RAP1GAP2: variants seen among roughly 807,000 people sequenced by gnomAD.
RAP1GAP2 encodes the protein RAP1 GTPase activating protein 2, also known as rap1 GTPase-activating protein 2.
A neutral mutation model predicts 95.0 loss-of-function variants in RAP1GAP2; 27 were observed. The ratio of observed to expected loss-of-function variants is 0.28; its 90% CI spans 0.21 to 0.39. The LOEUF is 0.39. Among genes scored for constraint, RAP1GAP2 ranks in the 10% least tolerant of loss-of-function variants. The probability of loss-of-function intolerance (pLI) is 1.00; values close to 1 mark genes in which losing one functional copy is unlikely to be tolerated. For synonymous variants in RAP1GAP2, 373 were observed against 380.9 expected, an observed-to-expected ratio of 0.98 and a Z score of 0.24; for missense variants, 771 against 970.0, an observed-to-expected ratio of 0.79 and a Z score of 2.72.
At chr17:2,788,150 C>T (rs1419835260) in intron 1 of RAP1GAP2, among the ~76,000 whole-genome samples, 3 of 152,122 alleles carry the variant, frequency 2.0e-5, no homozygotes, top group Non-Finnish European at 4.4e-5. Context: ...TGCACTTAAA[C>T]AATTTTGATA....
intron 17 of RAP1GAP2, among the ~76,000 whole-genome samples, chr17:3,017,126 G>C (rs145315731): frequency 1.9e-4 from 29 of 152,162 alleles, no homozygotes; most frequent in African/African-American, 6.5e-4. Flanking sequence ...GCCGAGCTCT[G>C]CTTCAACACA....
chr17:2,933,183 A>G (rs912491705), intron 3 of RAP1GAP2, among the ~76,000 whole-genome samples: 24 of 152,222 alleles, frequency 1.6e-4, no homozygotes, highest in African/African-American at 5.8e-4. Context: ...AGCAAGTTGG[A>G]AAGCGCCTGG....
At chr17:2,778,501 C>T (rs58467828) in intron 1 of RAP1GAP2, among the ~76,000 whole-genome samples, 20,883 of 152,056 alleles carry the variant, frequency 0.14, 1,653 homozygotes, top group South Asian at 0.34. Flanking sequence ...CTGCTGGAGG[C>T]ACGCTTGCAG....
intron 17 of RAP1GAP2, among the ~76,000 whole-genome samples, chr17:3,016,718 C>G (rs561066396): frequency 6.9e-6 from 1 of 145,324 alleles, no homozygotes; most frequent in South Asian, 2.1e-4. Context: ...CAGATCATTA[C>G]GATGTGCTGG....
At chr17:2,957,681 A>T in intron 3 of RAP1GAP2, 78 bp from the exon 4 acceptor site, 1 of 1,430,954 alleles carries the variant, frequency 7.0e-7, no homozygotes, top group Non-Finnish European at 9.6e-7. Flanking sequence ...GCTTCCTGAT[A>T]GTTGGTGAGG....
At chr17:2,865,336 G>T (rs1021945929) in intron 2 of RAP1GAP2, among the ~76,000 whole-genome samples, 1 of 152,124 alleles carries the variant, frequency 6.6e-6, no homozygotes, top group Non-Finnish European at 1.5e-5. Flanking sequence ...GGATCAGATG[G>T]GTCTCTGGAA....
At chr17:2,841,249 G>T (rs994863058) in intron 2 of RAP1GAP2, among the ~76,000 whole-genome samples, 1 of 151,516 alleles carries the variant, frequency 6.6e-6, no homozygotes, top group African/African-American at 2.4e-5. Flanking sequence ...TAAAAATTAA[G>T]TCCATTTAAA....
At chr17:2,858,989 G>A (rs2072260892) in intron 2 of RAP1GAP2, among the ~76,000 whole-genome samples, 1 of 151,936 alleles carries the variant, frequency 6.6e-6, no homozygotes, top group African/African-American at 2.4e-5. Flanking sequence ...ACCATATTTA[G>A]TCAGTATTTG....
At chr17:2,845,245 T>A (rs1293134063) in intron 2 of RAP1GAP2, among the ~76,000 whole-genome samples, 1 of 152,116 alleles carries the variant, frequency 6.6e-6, no homozygotes, top group Non-Finnish European at 1.5e-5. Flanking sequence ...CGGGTTCAAG[T>A]GATTCTCCTG....
In RAP1GAP2 at chr17:3,005,275, GAGA is replaced by G; in HGVS notation, c.1201-91_1201-89del. ...TTTGTGTTCTGGGAAGAGGAGGAGG[GAGA>G]AGGTGAGTAGCTTTGTAAGGAGCGT... On this transcript the variant is annotated intron_variant, in intron 14 of 24. Transcript: ENST00000254695. This position sits in a 1 kb window ranked among gnomAD's most constrained non-coding sequence, Gnocchi z 5.2. The G allele has an allele frequency of 8.3e-7, 1 of 1,201,536 alleles. No homozygotes were observed. Among genetic ancestry groups the G allele is most frequent in the Non-Finnish European group, 1.2e-6 (1 of 804,222 alleles). 74.4% of individuals were successfully genotyped at this position (1,201,536 alleles called of 1,614,324 possible).
intron 3 of RAP1GAP2, 60 bp from the exon 4 acceptor site, chr17:2,957,699 T>C: frequency 6.5e-7 from 1 of 1,548,966 alleles, no homozygotes; most frequent in East Asian, 2.3e-5. Flanking sequence ...AGGAAGAGGC[T>C]TTTGCTGTGG....
Position 2,831,990 on chromosome 17 carries a change from G to T in RAP1GAP2, c.80+31440G>T, listed in dbSNP as rs972904619. Among the ~76,000 whole-genome samples, 5 of 151,786 alleles carry T rather than the reference G, an allele frequency of 3.3e-5. No individual in the cohort carries two copies. In the South Asian group the frequency reaches 1.0e-3, roughly 32 times the overall value. On this transcript the variant is annotated intron_variant, in intron 2 of 24. Transcript: ENST00000254695. ...GGAGGCTGAGGCGGGCGGATCACGA[G>T]GTTAGGAGTTCGAGACCAGCCTGCC... is the stretch of plus-strand genomic sequence containing the variant.
chr17:2,796,249 G>A (rs1428566936), upstream of RAP1GAP2, among the ~76,000 whole-genome samples: 3 of 152,180 alleles, frequency 2.0e-5, no homozygotes, highest in Non-Finnish European at 4.4e-5. The surrounding 1 kb of genome is among the most constrained non-coding windows in gnomAD (Gnocchi z 4.7). Context: ...TCTGCCAGCC[G>A]AGCCCCTTCC....
chr17:3,031,007 G>A lies in RAP1GAP2; in HGVS notation c.2184+9G>A, dbSNP rs1315704332. Reference sequence around the variant, plus strand: ...ATGCCAGCTCTGGTGCGGTAAGGATGCGCCTCCCACACCCCACACTCCACT... The same window carrying A: ...ATGCCAGCTCTGGTGCGGTAAGGATACGCCTCCCACACCCCACACTCCACT... On this transcript the variant is annotated intron_variant, in intron 23 of 24. Transcript: ENST00000254695. 3.8e-6 allele frequency: 6 copies of A among 1,593,756 alleles called. No homozygotes were observed. The highest frequency in any genetic ancestry group is 5.1e-6 in the Non-Finnish European group (6 of 1,168,786).
At position 2,816,700 on chromosome 17, in the gene RAP1GAP2, A is replaced by G. The variant is rs934313859; in HGVS notation, c.80+16150A>G. Among the ~76,000 whole-genome samples the G allele has an allele frequency of 1.4e-4, 17 of 124,316 alleles. 4 individuals carry two copies. The highest frequency in any genetic ancestry group is 7.7e-4 in the Admixed American group (10 of 12,990). 81.6% of individuals were successfully genotyped at this position (124,316 alleles called of 152,430 possible). Reference sequence around the variant, plus strand: ...GCATTTTTAAGTGCACCATTCTGTGACATTAAGTACATTTACAATGCTGTG... The same window carrying G: ...GCATTTTTAAGTGCACCATTCTGTGGCATTAAGTACATTTACAATGCTGTG... On this transcript the variant is annotated intron_variant, in intron 2 of 24. Transcript: ENST00000254695.
At chr17:2,838,892 T>C (rs914118614) in intron 2 of RAP1GAP2, among the ~76,000 whole-genome samples, 1 of 152,076 alleles carries the variant, frequency 6.6e-6, no homozygotes, top group African/African-American at 2.4e-5. Flanking sequence ...ACAGAGAGAG[T>C]GGGTCTCAAG....
intron 17 of RAP1GAP2, among the ~76,000 whole-genome samples, chr17:3,015,942 A>C (rs1213769081): frequency 6.6e-6 from 1 of 152,138 alleles, no homozygotes; most frequent in Non-Finnish European, 1.5e-5. Context: ...GTGAATCCAG[A>C]GGGGAAGGGG....
chr17:2,974,433 A>T (rs2045017291), intron 8 of RAP1GAP2, among the ~76,000 whole-genome samples: 1 of 152,140 alleles, frequency 6.6e-6, no homozygotes. Flanking sequence ...GCTTTCAGAC[A>T]TAAAAAAATG....
chr17:2,950,055 C>T (rs2043859104), intron 3 of RAP1GAP2, among the ~76,000 whole-genome samples: 2 of 93,336 alleles, frequency 2.1e-5, no homozygotes, highest in South Asian at 7.6e-4. Context: ...TCTTCTTCTT[C>T]TTCTTCTTTT....
Sources: gnomAD v4.1 joint callset for allele counts (sites outside exome capture counted in the v4.1 genomes callset) on GRCh38, gnomAD v4.1.1 for gene constraint, Gnocchi (gnomAD v3.1) non-coding constraint, MANE v1.5 for transcripts, NCBI Gene and HGNC (gene_info 2026-07-23, HGNC 2026-07-21) for gene names.